Variants in EFCAB5 observed in about 807,000 individuals in gnomAD.
EFCAB5 encodes EF-hand calcium binding domain 5, also known as EF-hand calcium-binding domain-containing protein 5.
In EFCAB5, 131 loss-of-function variants were observed where a neutral mutation model predicts 167.9. The observed-to-expected ratio is 0.78, with a 90% CI of 0.68 to 0.90. EFCAB5 has a LOEUF of 0.90. EFCAB5 is among the 40% of genes least tolerant of loss of function. EFCAB5 has a pLI of 0.00. For missense variants in EFCAB5, 1,663 were observed against 1,745.2 expected, an observed-to-expected ratio of 0.95 and a Z score of 0.84; for synonymous variants, 574 against 602.8, an observed-to-expected ratio of 0.95 and a Z score of 0.70.
intron 2 of EFCAB5, 96 bp from the exon 3 acceptor site, chr17:29,943,469 C>T (rs1320172731): frequency 9.3e-6 from 10 of 1,079,322 alleles, no homozygotes; most frequent in Non-Finnish European, 1.3e-5. Flanking sequence ...TTAACTCTTA[C>T]AAAGCAATTA....
chr17:30,052,132 T>A (rs2070116725), intron 9 of EFCAB5, among the ~76,000 whole-genome samples: 1 of 152,178 alleles, frequency 6.6e-6, no homozygotes, highest in Admixed American at 6.5e-5. Flanking sequence ...TCATTTTTTT[T>A]AAAGAGAAGG....
intron 18 of EFCAB5, 51 bp from the exon 19 acceptor site, chr17:30,087,012 T>G: frequency 2.0e-6 from 3 of 1,530,530 alleles, no homozygotes; most frequent in Non-Finnish European, 2.7e-6. Flanking sequence ...AAAGCTTTAA[T>G]GAGAATATGA....
chr17:30,009,915 A>C (rs751509360), intron 7 of EFCAB5, among the ~76,000 whole-genome samples: 57 of 151,664 alleles, frequency 3.8e-4, no homozygotes, highest in Admixed American at 2.8e-3. Context: ...GCACCCATTA[A>C]CTCGTCATTT....
chr17:29,987,738 A>T (rs1215735589), intron 4 of EFCAB5, among the ~76,000 whole-genome samples: 1 of 152,212 alleles, frequency 6.6e-6, no homozygotes, highest in Non-Finnish European at 1.5e-5. Context: ...TTCCATATAG[A>T]GAAAAATGTA....
At chr17:29,962,664 G>A (rs142392713) in intron 3 of EFCAB5, among the ~76,000 whole-genome samples, 3,264 of 143,498 alleles carry the variant, frequency 0.023, 59 homozygotes, top group Middle Eastern at 0.038. Context: ...ACAGGGTCTC[G>A]GTATGTTGCC....
rs756277995 is a variant in EFCAB5 at position 29,969,039 on chromosome 17, G to C, written c.439G>C (p.Ala147Pro). 1.3e-6 allele frequency: 2 copies of C among 1,598,630 alleles called. No homozygotes were observed. Among genetic ancestry groups the C allele is most frequent in the Non-Finnish European group, 8.5e-7 (1 of 1,173,884 alleles). The change falls in exon 4 of 23, where the codon GCT becomes CCT. Residue 147 changes from alanine to proline, a missense_variant. By Grantham distance (27) the Ala-to-Pro change is conservative (BLOSUM62 -1). Transcript: ENST00000394835. The stretch of plus-strand genomic sequence containing the variant: ...TCTGAAGAAGGAACTAGAAAAAAAG[G>C]CTGAAAAAAAACTCCCTAGGGATAA... The part of the protein sequence containing the change: ...ENLKKELEKK[A>P]EKKLPRDNLA...
chr17:29,936,978 A>G (rs2067250686), upstream of EFCAB5, among the ~76,000 whole-genome samples: 1 of 152,178 alleles, frequency 6.6e-6, no homozygotes, highest in Admixed American at 6.5e-5. Flanking sequence ...AGAAATAAGC[A>G]TTTTTCTGGG....
chr17:30,078,341 A>G lies in EFCAB5; in HGVS notation c.2864A>G (p.Glu955Gly). ...AGGGGCAATGAAGACCAAGTTCTGG[A>G]AAGTGTTGTGGAATTTCTGATGAAT... ...ELRGNEDQVL[E>G]SVVEFLMNAL... Residue 955 changes from glutamate (E) to glycine (G), a missense_variant, in exon 15 of 23, where the codon GAA (glutamate) becomes GGA (glycine). Coordinates refer to ENST00000394835, the MANE Select transcript of EFCAB5 (RefSeq NM_198529.4). 2 of 1,613,972 alleles carry G rather than the reference A, an allele frequency of 1.2e-6. No individual in the cohort carries two copies. Among genetic ancestry groups the G allele is most frequent in the South Asian group, 1.1e-5 (1 of 91,074 alleles).
intron 14 of EFCAB5, among the ~76,000 whole-genome samples, chr17:30,076,611 G>A (rs2070873409): frequency 6.6e-6 from 1 of 152,234 alleles, no homozygotes; most frequent in Non-Finnish European, 1.5e-5. Context: ...TCTTTCAAGA[G>A]AAGGAGAAAT....
chr17:30,049,170 G>A (rs1043385021), intron 8 of EFCAB5, among the ~76,000 whole-genome samples: 1 of 152,134 alleles, frequency 6.6e-6, no homozygotes, highest in South Asian at 2.1e-4. Context: ...GACAGCTAAT[G>A]TGTGTCAGAG....
chr17:29,930,277 T>G, intron 1 of EFCAB5: 5 of 482,208 alleles, frequency 1.0e-5, no homozygotes, highest in Non-Finnish European at 1.8e-5. Context: ...GCCTCTCCCC[T>G]CGGCGCGCGC....
In EFCAB5 at chr17:29,968,876, A is replaced by C; in HGVS notation, c.276A>C (p.Arg92Ser). 6.4e-7 allele frequency: 1 copy of C among 1,562,410 alleles called. No individual in the cohort carries two copies. Among genetic ancestry groups the C allele is most frequent in the Non-Finnish European group, 8.7e-7 (1 of 1,152,636 alleles). The change falls in exon 4 of 23, where the codon AGA becomes AGC. Residue 92 changes from arginine to serine, a missense_variant. Coordinates refer to ENST00000394835, the MANE Select transcript of EFCAB5 (RefSeq NM_198529.4). ...AAGCCTCAGGTAATATTGCAATTAG[A>C]AAATCTGCAAAAGTGATTTTTGCTT... Reference protein sequence around the residue: ...KTEASGNIAIRKSAKVIFALD... With the variant: ...KTEASGNIAISKSAKVIFALD...
intron 5 of EFCAB5, among the ~76,000 whole-genome samples, chr17:29,995,379 C>T (rs1304946593): frequency 6.6e-6 from 1 of 152,186 alleles, no homozygotes; most frequent in Non-Finnish European, 1.5e-5. Flanking sequence ...AAACTGTTGC[C>T]ATGACCTTTG....
At chr17:30,054,173 A>C (rs1157094654) in intron 10 of EFCAB5, 25 bp downstream of exon 10, 3 of 1,493,666 alleles carry the variant, frequency 2.0e-6, no homozygotes, top group Non-Finnish European at 2.7e-6. Flanking sequence ...CTTCTACAAC[A>C]TCAGTTCCCT....
chr17:30,082,296 C>T (rs886897091), intron 17 of EFCAB5, among the ~76,000 whole-genome samples: 5 of 151,994 alleles, frequency 3.3e-5, no homozygotes, highest in African/African-American at 1.2e-4. Flanking sequence ...TTATCTTGTT[C>T]CTTTGATGCT....
At position 30,108,080 on chromosome 17, in the gene EFCAB5, T is replaced by C; in HGVS notation, c.*56T>C. On this transcript the variant is annotated 3_prime_UTR_variant, in exon 23 of 23. Coordinates refer to ENST00000394835, the MANE Select transcript of EFCAB5 (RefSeq NM_198529.4). ...TTAGGATCCTTTGTTTGTTATCAGT[T>C]TTGTTTGTTAACTATAAAATATTTT... 2.0e-6 allele frequency: 3 copies of C among 1,524,660 alleles called. No homozygotes were observed. Among genetic ancestry groups the C allele is most frequent in the South Asian group, 1.3e-5 (1 of 77,956 alleles). The allele number at this position is 1,524,660 out of a possible 1,614,324, so 94.4% of individuals were successfully genotyped here.
At chr17:30,025,388 CATTT>C (rs879709617) in intron 7 of EFCAB5, among the ~76,000 whole-genome samples, 29 of 152,128 alleles carry the variant, frequency 1.9e-4, no homozygotes, top group Non-Finnish European at 3.4e-4. Context: ...CAAAAGAAGA[CATTT>C]ATGCAGCCAA....
At chr17:29,954,298 C>A (rs1461470906) in intron 3 of EFCAB5, among the ~76,000 whole-genome samples, 1 of 152,166 alleles carries the variant, frequency 6.6e-6, no homozygotes, top group East Asian at 1.9e-4. Context: ...TCTCCCATCA[C>A]AGGTCCAGAG....
intron 8 of EFCAB5, among the ~76,000 whole-genome samples, chr17:30,046,525 A>G (rs2069934515): frequency 6.6e-6 from 1 of 152,228 alleles, no homozygotes; most frequent in Non-Finnish European, 1.5e-5. Context: ...ATGAAAAATC[A>G]GCCCCCAAAT....
Sources: allele counts gnomAD v4.1 joint callset (sites outside exome capture counted in the v4.1 genomes callset), GRCh38; gene constraint gnomAD v4.1.1; transcripts MANE v1.5; gene names NCBI Gene and HGNC (gene_info 2026-07-23, HGNC 2026-07-21).